Variants in SHC4 observed in about 807,000 individuals in gnomAD.
The protein encoded by SHC4 is SHC-transforming protein 4.
In SHC4, 41 loss-of-function variants were observed where a neutral mutation model predicts 69.4. The observed-to-expected ratio is 0.59, with a 90% confidence interval of 0.46 to 0.77. The LOEUF is 0.77. SHC4 is among the 30% of genes least tolerant of loss of function. The pLI, the probability that SHC4 is intolerant of heterozygous loss-of-function variation, is 0.00. For missense variants in SHC4, 777 were observed against 783.8 expected (o/e 0.99, Z 0.10); for synonymous variants, 318 against 299.3 (o/e 1.06, Z -0.64).
In SHC4 at chr15:48,834,905, T is replaced by A; in HGVS notation, c.1601A>T (p.Lys534Met). 6.2e-7 allele frequency: 1 copy of A among 1,614,138 alleles called. No homozygotes were observed. The highest frequency in any genetic ancestry group is 8.5e-7 in the Non-Finnish European group (1 of 1,180,016). ...CTTTACCAAGAGGCTCTCTGCCGCC[T>A]TCCTGCTCAGCTTGCCATGATAGCA... The part of the protein sequence containing the change: ...EECYHGKLSR[K>M]AAESLLVKDG... Residue 534 changes from lysine (K) to methionine (M), a missense_variant, in exon 11 of 12, where the codon AAG (lysine) becomes ATG (methionine). Coordinates refer to ENST00000332408, the MANE Select transcript of SHC4 (RefSeq NM_203349.4).
intron 2 of SHC4, among the ~76,000 whole-genome samples, chr15:48,923,012 G>C (rs1123757): frequency 0.64 from 96,827 of 152,044 alleles, 31,084 homozygotes; most frequent in East Asian, 0.71. Flanking sequence ...TAAATATCCA[G>C]TGAGCCTCTG....
intron 9 of SHC4, among the ~76,000 whole-genome samples, chr15:48,844,693 G>A (rs1899054704): frequency 6.6e-6 from 1 of 152,168 alleles, no homozygotes; most frequent in Admixed American, 6.5e-5. Context: ...GTCAAGGGCA[G>A]GGCCAGGTGG....
intron 8 of SHC4, among the ~76,000 whole-genome samples, chr15:48,853,461 C>T (rs1188349577): frequency 6.6e-6 from 1 of 152,040 alleles, no homozygotes; most frequent in Non-Finnish European, 1.5e-5. Context: ...ATCATTTTCC[C>T]CAGAATTAGA....
At position 48,962,753 on chromosome 15, in the gene SHC4, G is replaced by T. The variant is rs755748524; in HGVS notation, c.263C>A (p.Pro88His). The change falls in exon 1 of 12, where the codon CCC becomes CAC. Residue 88 changes from proline (P) to histidine (H), a missense_variant. Transcript: ENST00000332408. ...GGCCAGCTTCATGCTTGCCATGCGG[G>T]GGATCAAGGTGCACAGTGGGGTGGG... ...ESPTPLCTLI[P>H]RMASMKLANP... 6.2e-7 allele frequency: 1 copy of T among 1,613,310 alleles called. No individual in the cohort carries two copies. Among genetic ancestry groups the T allele is most frequent in the African/African-American group, 1.3e-5 (1 of 75,032 alleles).
At chr15:48,862,293 G>A (rs1359518025) in intron 6 of SHC4, among the ~76,000 whole-genome samples, 2 of 151,820 alleles carry the variant, frequency 1.3e-5, no homozygotes, top group African/African-American at 4.8e-5. Context: ...ACTAGATTCA[G>A]GGAAAATATT....
At chr15:48,903,422 A>G (rs1199114044) in intron 2 of SHC4, among the ~76,000 whole-genome samples, 1 of 152,182 alleles carries the variant, frequency 6.6e-6, no homozygotes. Flanking sequence ...CTAGCTATTT[A>G]GGATGTAGCA....
At chr15:48,886,855 G>C (rs1471089397) in intron 3 of SHC4, among the ~76,000 whole-genome samples, 2 of 152,190 alleles carry the variant, frequency 1.3e-5, no homozygotes, top group Non-Finnish European at 2.9e-5. Context: ...GGAATGAGAG[G>C]AGAAGGGAAC....
chr15:48,941,671 A>C (rs1302489726), intron 1 of SHC4, among the ~76,000 whole-genome samples: 1 of 152,182 alleles, frequency 6.6e-6, no homozygotes, highest in African/African-American at 2.4e-5. Flanking sequence ...AGATTCTCTC[A>C]AGCATTCAAA....
intron 6 of SHC4, among the ~76,000 whole-genome samples, chr15:48,861,227 T>G (rs558228002): frequency 6.6e-6 from 1 of 152,282 alleles, no homozygotes; most frequent in African/African-American, 2.4e-5. Context: ...GCCTCCCAAG[T>G]AGCTGGGACT....
At chr15:48,835,535 T>G (rs2140967830) in intron 10 of SHC4, among the ~76,000 whole-genome samples, 1 of 152,216 alleles carries the variant, frequency 6.6e-6, no homozygotes, top group East Asian at 1.9e-4. Flanking sequence ...GACCCAAAAC[T>G]TCAAAACTTT....
At chr15:48,926,520 T>C (rs992975406) in intron 1 of SHC4, among the ~76,000 whole-genome samples, 2 of 151,896 alleles carry the variant, frequency 1.3e-5, no homozygotes, top group Non-Finnish European at 1.5e-5. Context: ...TGGTGTGCAG[T>C]GGCACGATCT....
At chr15:48,875,296 T>G (rs1899777102) in intron 4 of SHC4, among the ~76,000 whole-genome samples, 1 of 152,230 alleles carries the variant, frequency 6.6e-6, no homozygotes, top group Admixed American at 6.5e-5. Context: ...GAAAACAATG[T>G]GAACACAAAG....
rs1302548411 is a variant in SHC4 at position 48,963,160 on chromosome 15, C to T, written c.-145G>A. On this transcript the variant is annotated 5_prime_UTR_variant, in exon 1 of 12. Coordinates refer to ENST00000332408, the MANE Select transcript of SHC4 (RefSeq NM_203349.4). ...ACTCTGCTCTCGAGCTCGCCCACCTCGGCTCCCGGCCCCTTAAGGGTGACA... is the reference window on the plus strand; with the variant it reads ...ACTCTGCTCTCGAGCTCGCCCACCTTGGCTCCCGGCCCCTTAAGGGTGACA... 10 of 813,290 alleles carry T rather than the reference C, an allele frequency of 1.2e-5. No individual in the cohort carries two copies. In the Admixed American group the frequency reaches 2.7e-4, roughly 22 times the overall value. 50.4% of individuals were successfully genotyped at this position (813,290 alleles called of 1,614,324 possible). A position where few individuals can be genotyped will look rare whatever the true frequency, so the allele number is the denominator to read the frequency against.
At chr15:48,911,635 G>GT (rs1213179660) in intron 2 of SHC4, among the ~76,000 whole-genome samples, 5 of 151,756 alleles carry the variant, frequency 3.3e-5, no homozygotes, top group African/African-American at 7.2e-5. Context: ...GTGTACTTTG[G>GT]TTTTTTTTGT....
intron 6 of SHC4, among the ~76,000 whole-genome samples, chr15:48,861,109 G>A (rs904752671): frequency 3.9e-5 from 6 of 152,104 alleles, no homozygotes; most frequent in African/African-American, 1.4e-4. Flanking sequence ...CTTTTCTTTG[G>A]ATTAGCCTAT....
intron 4 of SHC4, among the ~76,000 whole-genome samples, chr15:48,874,036 A>G (rs1899746783): frequency 6.6e-6 from 1 of 152,208 alleles, no homozygotes; most frequent in Non-Finnish European, 1.5e-5. Context: ...AGAACAGCTA[A>G]AGCAAATTTT....
At chr15:48,869,982 G>GA (rs1899636671) in intron 5 of SHC4, among the ~76,000 whole-genome samples, 1 of 152,148 alleles carries the variant, frequency 6.6e-6, no homozygotes, top group Non-Finnish European at 1.5e-5. Flanking sequence ...GGCACATGAA[G>GA]AGAGTATGAA....
intron 1 of SHC4, among the ~76,000 whole-genome samples, chr15:48,944,198 T>C (rs1370919991): frequency 7.9e-5 from 12 of 152,164 alleles, no homozygotes; most frequent in Non-Finnish European, 1.0e-4. Context: ...TCCACCTCTG[T>C]TGCATCCATC....
At chr15:48,842,023 A>C (rs892171463) in intron 10 of SHC4, among the ~76,000 whole-genome samples, 3 of 152,254 alleles carry the variant, frequency 2.0e-5, no homozygotes, top group Non-Finnish European at 4.4e-5. Context: ...GGATTTTCTT[A>C]GTGACTGGCT....
Sources: allele counts gnomAD v4.1 joint callset (sites outside exome capture counted in the v4.1 genomes callset), GRCh38; gene constraint gnomAD v4.1.1; transcripts MANE v1.5; gene names NCBI Gene and HGNC (gene_info 2026-07-23, HGNC 2026-07-21).